Variants in GLIS1 observed in about 807,000 individuals in gnomAD.
GLIS1 encodes zinc finger protein GLIS1.
Under a neutral mutation model 63.8 loss-of-function variants are expected in GLIS1, and 24 were observed. The observed-to-expected ratio is 0.38, with a 90% CI of 0.27 to 0.53. GLIS1 has a LOEUF of 0.53. Among genes scored for constraint, GLIS1 ranks in the 20% least tolerant of loss-of-function variants. GLIS1 has a pLI of 0.85. For missense variants in GLIS1, 1,036 were observed against 1,074.1 expected (o/e 0.96, Z 0.50); for synonymous variants, 450 against 482.5 (o/e 0.93, Z 0.88).
At chr1:53,615,717 T>G (rs1350334891) in intron 2 of GLIS1, among the ~76,000 whole-genome samples, 1 of 143,858 alleles carries the variant, frequency 7.0e-6, no homozygotes, top group Admixed American at 7.4e-5. Flanking sequence ...ATGATATGAT[T>G]TTATTTATTT....
chr1:53,727,334 C>T (rs1646815344), intron 2 of GLIS1, among the ~76,000 whole-genome samples: 2 of 151,948 alleles, frequency 1.3e-5, no homozygotes, highest in African/African-American at 2.4e-5. Context: ...CTAAGCCTGT[C>T]CTGGAGTGGA....
chr1:53,679,936 C>T (rs1481400672), intron 2 of GLIS1, among the ~76,000 whole-genome samples: 2 of 152,216 alleles, frequency 1.3e-5, no homozygotes, highest in South Asian at 2.1e-4. Context: ...GGAAAGGCCA[C>T]CCCATGTTCC....
At chr1:53,590,732 A>G (rs2100520503) in intron 4 of GLIS1, among the ~76,000 whole-genome samples, 1 of 152,304 alleles carries the variant, frequency 6.6e-6, no homozygotes, top group Non-Finnish European at 1.5e-5. Context: ...ACATAACAGG[A>G]TATTGCAAAA....
At chr1:53,650,080 G>A (rs1357095252) in intron 2 of GLIS1, among the ~76,000 whole-genome samples, 1 of 152,176 alleles carries the variant, frequency 6.6e-6, no homozygotes. Flanking sequence ...GGGCAGCAGG[G>A]AGACAAGATA....
At chr1:53,734,267 C>T (rs1229876954) in intron 2 of GLIS1, 4 of 894,330 alleles carry the variant, frequency 4.5e-6, no homozygotes, top group Non-Finnish European at 5.4e-6. Flanking sequence ...GGTGTGGGAA[C>T]AGCAACTCTG....
At chr1:53,590,967 T>C (rs1473922540) in intron 4 of GLIS1, among the ~76,000 whole-genome samples, 1 of 152,148 alleles carries the variant, frequency 6.6e-6, no homozygotes, top group African/African-American at 2.4e-5. Context: ...GCTGCGAGAA[T>C]GGGAGTGTTC....
chr1:53,506,774 A>G lies in GLIS1; in HGVS notation c.2233T>C (p.Tyr745His). 6.2e-7 allele frequency: 1 copy of G among 1,609,266 alleles called. No homozygotes were observed. Among genetic ancestry groups the G allele is most frequent in the Non-Finnish European group, 8.5e-7 (1 of 1,179,690 alleles). ...CATGAGGCCTCAGCCAGGGCCTCATAGCCTGTGAGTGGTTGGGAAAGGGTC... is the reference window on the plus strand; with the variant it reads ...CATGAGGCCTCAGCCAGGGCCTCATGGCCTGTGAGTGGTTGGGAAAGGGTC... ...SLSTPLPATG[Y>H]EALAEASCPT... Residue 745 changes from tyrosine (Y) to histidine (H), a missense_variant and splice_region_variant, in exon 11 of 11, where the codon TAT becomes CAT. Tyr to His is a moderately conservative substitution (Grantham distance 83). Around this residue, in one of 3 missense-constraint regions of GLIS1, gnomAD observed 400 missense variants for 400.9 expected, o/e 1.00. Coordinates refer to ENST00000628545, the MANE Select transcript of GLIS1 (RefSeq NM_001367484.1).
At chr1:53,567,336 C>T (rs1220794624) in intron 4 of GLIS1, among the ~76,000 whole-genome samples, 1 of 152,164 alleles carries the variant, frequency 6.6e-6, no homozygotes, top group Non-Finnish European at 1.5e-5. Flanking sequence ...CAAGATGTGG[C>T]CTGGCTACTC....
Position 53,522,746 on chromosome 1 carries a change from C to CA in GLIS1, c.1594-1981dup, listed in dbSNP as rs201776108. Among the ~76,000 whole-genome samples, 743 of 151,460 alleles carry CA rather than the reference C, an allele frequency of 4.9e-3. 6 individuals are homozygous for CA. Among genetic ancestry groups the CA allele is most frequent in the African/African-American group, 0.017 (716 of 41,302 alleles). Reference sequence around the variant, plus strand: ...CAACAAAGTGAAACCTCTATCTCTACAAAAAAAATATATTAAAAAAAAGCC... The same window carrying CA: ...CAACAAAGTGAAACCTCTATCTCTACAAAAAAAAATATATTAAAAAAAAGCC... On this transcript the variant is annotated intron_variant, in intron 6 of 10. Coordinates refer to ENST00000628545, the MANE Select transcript of GLIS1 (RefSeq NM_001367484.1).
At chr1:53,604,576 C>T (rs535900175) in intron 2 of GLIS1, among the ~76,000 whole-genome samples, 5 of 152,322 alleles carry the variant, frequency 3.3e-5, no homozygotes, top group East Asian at 1.9e-4. Flanking sequence ...ACATCATGAC[C>T]GCCTTCTTGT....
intron 4 of GLIS1, among the ~76,000 whole-genome samples, chr1:53,541,701 G>A (rs1167230484): frequency 6.6e-6 from 1 of 152,254 alleles, no homozygotes; most frequent in African/African-American, 2.4e-5. Flanking sequence ...GCTGGGAACA[G>A]ACAGAGGCAA....
At chr1:53,705,227 G>A (rs751346761) in intron 2 of GLIS1, among the ~76,000 whole-genome samples, 1 of 152,120 alleles carries the variant, frequency 6.6e-6, no homozygotes, top group Non-Finnish European at 1.5e-5. Context: ...ACTGAGCCCT[G>A]GGAGGAGAGA....
intron 4 of GLIS1, among the ~76,000 whole-genome samples, chr1:53,547,836 A>G (rs1378416560): frequency 6.6e-6 from 1 of 152,214 alleles, no homozygotes; most frequent in Non-Finnish European, 1.5e-5. Flanking sequence ...AATATGGTTC[A>G]TAAAGTCGAT....
intron 7 of GLIS1, among the ~76,000 whole-genome samples, chr1:53,518,658 A>G (rs1644376092): frequency 6.6e-6 from 1 of 152,252 alleles, no homozygotes; most frequent in Non-Finnish European, 1.5e-5. Context: ...CAAGGGCAGT[A>G]GCTTCAGCAG....
intron 2 of GLIS1, among the ~76,000 whole-genome samples, chr1:53,658,560 G>A (rs1031650010): frequency 1.6e-4 from 25 of 152,180 alleles, no homozygotes; most frequent in African/African-American, 5.8e-4. Flanking sequence ...GAAGAGAAAG[G>A]CTACTGGGGC....
chr1:53,524,738 G>T, intron 6 of GLIS1, 39 bp downstream of exon 6: 2 of 1,472,490 alleles, frequency 1.4e-6, no homozygotes, highest in Non-Finnish European at 1.9e-6. Context: ...GCAGGCGGCT[G>T]CGAGGTGGGA....
At chr1:53,569,906 G>A (rs557443636) in intron 4 of GLIS1, among the ~76,000 whole-genome samples, 5 of 151,958 alleles carry the variant, frequency 3.3e-5, no homozygotes, top group African/African-American at 1.2e-4. Context: ...CATATATAGA[G>A]AAAAATATAA....
rs146304226 is a variant in GLIS1, at chr1:53,585,722, T to C, written c.1320+8386A>G. Among the ~76,000 whole-genome samples the C allele has an allele frequency of 2.4e-3, 365 of 152,252 alleles. 2 individuals carry two copies. Among genetic ancestry groups the C allele is most frequent in the African/African-American group, 8.4e-3 (351 of 41,552 alleles). On this transcript the variant is annotated intron_variant, in intron 4 of 10. Transcript: ENST00000628545. ...GGAATCTAACCGGGAGGAACACACC[T>C]GTGAAAGTGCCCTGTCTGTACTCAG...
chr1:53,714,887 A>C (rs1646682232), intron 2 of GLIS1, among the ~76,000 whole-genome samples: 1 of 152,082 alleles, frequency 6.6e-6, no homozygotes, highest in African/African-American at 2.4e-5. Flanking sequence ...CTTAAACACA[A>C]GTTTTCACTC....
Sources: allele counts gnomAD v4.1 joint callset (sites outside exome capture counted in the v4.1 genomes callset), GRCh38; gene constraint gnomAD v4.1.1; regional missense constraint gnomAD v4.1.1; transcripts MANE v1.5; gene names NCBI Gene and HGNC (gene_info 2026-07-23, HGNC 2026-07-21).